Variants in SLCO4C1 observed in about 807,000 individuals in gnomAD.
SLCO4C1 encodes the protein organic anion transporter M1.
In SLCO4C1, 58 loss-of-function variants were observed where a neutral mutation model predicts 72.1. The ratio of observed to expected loss-of-function variants is 0.80; its 90% CI spans 0.65 to 1.00. The LOEUF (loss-of-function observed/expected upper bound fraction) is 1.00, where lower values mean the gene tolerates loss of function less well. SLCO4C1 is among the 50% of genes least tolerant of loss of function. SLCO4C1 has a pLI of 0.00. For synonymous variants in SLCO4C1, 297 were observed against 312.5 expected, an observed-to-expected ratio of 0.95 and a Z score of 0.52; for missense variants, 898 against 857.9, an observed-to-expected ratio of 1.05 and a Z score of -0.58.
chr5:102,287,829 C>T (rs1477434563), intron 2 of SLCO4C1, among the ~76,000 whole-genome samples: 2 of 152,134 alleles, frequency 1.3e-5, no homozygotes, highest in African/African-American at 2.4e-5. Context: ...GCTGGGATTA[C>T]AGGCATGAGT....
In SLCO4C1 at chr5:102,295,926, G is replaced by T. The variant is rs1580273382; in HGVS notation, c.337C>A (p.Leu113Ile). The T allele has an allele frequency of 6.2e-7, 1 of 1,613,992 alleles. No homozygotes were observed. Among genetic ancestry groups the T allele is most frequent in the East Asian group, 2.2e-5 (1 of 44,874 alleles). ...ACTTTACCTTGCGTGACGGCCAAGA[G>T]GCAGTAGTGAAGCAGAAAGCCTCCA... is the stretch of plus-strand genomic sequence containing the variant. The part of the protein sequence containing the change: ...TPGGFLLHYC[L>I]LAVTQGIVVN... Residue 113 changes from leucine to isoleucine, a missense_variant, in exon 1 of 13, where the codon CTC (leucine) becomes ATC (isoleucine). Coordinates refer to ENST00000310954, the MANE Select transcript of SLCO4C1 (RefSeq NM_180991.5).
At chr5:102,257,044 A>C in intron 8 of SLCO4C1, 71 bp downstream of exon 8, 1 of 1,232,482 alleles carries the variant, frequency 8.1e-7, no homozygotes, top group Non-Finnish European at 1.1e-6. Flanking sequence ...ACCATTTAAG[A>C]AAACATATGC....
intron 2 of SLCO4C1, among the ~76,000 whole-genome samples, chr5:102,289,941 G>A (rs570549397): frequency 7.2e-5 from 11 of 152,178 alleles, no homozygotes; most frequent in African/African-American, 2.6e-4. Context: ...TTTCCTGTTT[G>A]TTATCATTCT....
intron 9 of SLCO4C1, among the ~76,000 whole-genome samples, chr5:102,248,528 G>T (rs544254277): frequency 6.6e-6 from 1 of 152,002 alleles, no homozygotes; most frequent in Non-Finnish European, 1.5e-5. Context: ...TTTCTGTGTT[G>T]TTCCCTTGTG....
At chr5:102,268,283 C>T (rs111666188) in intron 3 of SLCO4C1, among the ~76,000 whole-genome samples, 45 of 151,726 alleles carry the variant, frequency 3.0e-4, no homozygotes, top group African/African-American at 9.7e-4. Context: ...GGTGCATATT[C>T]GATTATAATT....
At chr5:102,295,227 G>A (rs1749626722) in intron 1 of SLCO4C1, among the ~76,000 whole-genome samples, 2 of 152,156 alleles carry the variant, frequency 1.3e-5, no homozygotes, top group East Asian at 1.9e-4. Flanking sequence ...AATCTGAACT[G>A]AATCTGTAAC....
chr5:102,258,238 A>G, intron 6 of SLCO4C1, 151 bp from the exon 7 acceptor site: 1 of 549,478 alleles, frequency 1.8e-6, no homozygotes, highest in Middle Eastern at 5.0e-4. Context: ...ACTATGGATA[A>G]TTAATAGAAT....
chr5:102,262,033 G>A lies in SLCO4C1; in HGVS notation c.900C>T (p.Ser300=), dbSNP rs1216749714. The change falls in exon 5 of 13, where the codon AGC becomes AGT. Residue 300 remains serine, a splice_region_variant and synonymous_variant. Transcript: ENST00000310954. The part of the protein sequence containing the change: ...TIYIDVAMGE[S]TDVTEDDPRW... ...GCGGATCATCCTCAGTGACATCAGT[G>A]CTATATGATAGAAAAACAAGAGGTA... is the stretch of plus-strand genomic sequence containing the variant. 1 of 1,599,846 alleles carries A rather than the reference G, an allele frequency of 6.3e-7. No homozygotes were observed. The highest frequency in any genetic ancestry group is 8.5e-7 in the Non-Finnish European group (1 of 1,174,676).
At chr5:102,278,763 T>C (rs1411490828) in intron 2 of SLCO4C1, among the ~76,000 whole-genome samples, 1 of 151,226 alleles carries the variant, frequency 6.6e-6, no homozygotes, top group Non-Finnish European at 1.5e-5. Context: ...AAAAAGGAAG[T>C]CTCTAAGGAA....
intron 4 of SLCO4C1, among the ~76,000 whole-genome samples, chr5:102,262,429 G>A (rs1421568952): frequency 6.6e-6 from 1 of 152,070 alleles, no homozygotes. Context: ...GCTTCAATTA[G>A]AGCATTTCTT....
intron 3 of SLCO4C1, among the ~76,000 whole-genome samples, chr5:102,266,421 G>T (rs1190192149): frequency 6.6e-6 from 1 of 152,144 alleles, no homozygotes; most frequent in Non-Finnish European, 1.5e-5. Flanking sequence ...AGGCCGAGGT[G>T]GGTGGATTAT....
intron 12 of SLCO4C1, among the ~76,000 whole-genome samples, chr5:102,237,972 C>A (rs1372299626): frequency 6.6e-6 from 1 of 152,114 alleles, no homozygotes; most frequent in Admixed American, 6.5e-5. Flanking sequence ...TAATTGCCAG[C>A]CTAATAAATT....
intron 2 of SLCO4C1, among the ~76,000 whole-genome samples, chr5:102,280,304 G>C (rs1320258698): frequency 1.3e-5 from 2 of 151,570 alleles, no homozygotes; most frequent in South Asian, 4.2e-4. Context: ...TCCATATACT[G>C]GCAATGAACA....
At chr5:102,263,903 A>C in intron 3 of SLCO4C1, 123 bp from the exon 4 acceptor site, 1 of 665,502 alleles carries the variant, frequency 1.5e-6, no homozygotes, top group Non-Finnish European at 2.5e-6. Flanking sequence ...AAAATCACAC[A>C]TATTTTCACT....
chr5:102,242,771 A>C (rs928057175), intron 10 of SLCO4C1, among the ~76,000 whole-genome samples: 1 of 152,158 alleles, frequency 6.6e-6, no homozygotes, highest in Non-Finnish European at 1.5e-5. Context: ...GACTCAGCAC[A>C]TTACCAGCTT....
chr5:102,257,904 A>T, intron 7 of SLCO4C1, 39 bp downstream of exon 7: 7 of 1,560,282 alleles, frequency 4.5e-6, no homozygotes, highest in Non-Finnish European at 6.1e-6. Flanking sequence ...TAATATAGTA[A>T]AGTAAAATTT....
chr5:102,242,777 A>G, intron 10 of SLCO4C1, among the ~76,000 whole-genome samples: 1 of 152,148 alleles, frequency 6.6e-6, no homozygotes, highest in East Asian at 1.9e-4. Flanking sequence ...GCACATTACC[A>G]GCTTGGTGGC....
In SLCO4C1 at chr5:102,270,754, TGAA is replaced by T. The variant is rs769454119; in HGVS notation, c.669_671del (p.Ser224del). On this transcript the variant is annotated inframe_deletion, in exon 3 of 13. Transcript: ENST00000310954. ...TGAAGACATACAAGTAGTTAGAAAG[TGAA>T]GAAGTTGAAGATGTACAACTGGTGC... 10 of 1,612,606 alleles carry T rather than the reference TGAA, an allele frequency of 6.2e-6. No homozygotes were observed. In the East Asian group the frequency reaches 2.2e-4, roughly 36 times the overall value.
intron 12 of SLCO4C1, among the ~76,000 whole-genome samples, chr5:102,237,779 G>A (rs1748466993): frequency 6.6e-6 from 1 of 152,124 alleles, no homozygotes; most frequent in South Asian, 2.1e-4. Flanking sequence ...AAAAGGTTTT[G>A]GAGTTCTTAA....
Sources: gnomAD v4.1 joint callset for allele counts (sites outside exome capture counted in the v4.1 genomes callset) on GRCh38, gnomAD v4.1.1 for gene constraint, MANE v1.5 for transcripts, NCBI Gene and HGNC (gene_info 2026-07-23, HGNC 2026-07-21) for gene names.